Variants in UGT8 observed in about 807,000 individuals in gnomAD.
UGT8 encodes UDP glycosyltransferase 8.
Under a neutral mutation model 40.5 loss-of-function variants are expected in UGT8, and 12 were observed. That is an observed-to-expected ratio of 0.30 (90% CI 0.19 to 0.48). The LOEUF (loss-of-function observed/expected upper bound fraction) is 0.48. Among genes scored for constraint, UGT8 ranks in the 20% least tolerant of loss-of-function variants. The probability of loss-of-function intolerance (pLI) is 0.99; values close to 1 mark genes in which losing one functional copy is unlikely to be tolerated. For missense variants in UGT8, 513 were observed against 648.7 expected (o/e 0.79, Z 2.27); for synonymous variants, 224 against 240.4 (o/e 0.93, Z 0.63).
intron 1 of UGT8, among the ~76,000 whole-genome samples, chr4:114,615,741 A>G (rs1731369992): frequency 6.6e-6 from 1 of 152,226 alleles, no homozygotes; most frequent in African/African-American, 2.4e-5. Context: ...GAAATTGCAC[A>G]TAGCAATTCT....
At chr4:114,625,212 G>A (rs926890854) in intron 2 of UGT8, among the ~76,000 whole-genome samples, 2 of 152,020 alleles carry the variant, frequency 1.3e-5, no homozygotes, top group Non-Finnish European at 2.9e-5. Context: ...GATTGAAGAA[G>A]AAGTATATGA....
At chr4:114,639,937 A>G (rs942521833) in intron 2 of UGT8, among the ~76,000 whole-genome samples, 2 of 151,884 alleles carry the variant, frequency 1.3e-5, no homozygotes, top group Non-Finnish European at 2.9e-5. Context: ...GGGAACATCA[A>G]TTGTTGACTT....
intron 2 of UGT8, 185 bp downstream of exon 2, chr4:114,623,887 T>A (rs1421814369): frequency 7.8e-6 from 3 of 385,418 alleles, no homozygotes; most frequent in Non-Finnish European, 1.1e-5. Context: ...ACATTCCTGC[T>A]TTGAATGAGC....
At chr4:114,623,740 T>C in intron 2 of UGT8, 38 bp downstream of exon 2, 4 of 1,544,206 alleles carry the variant, frequency 2.6e-6, no homozygotes, top group Non-Finnish European at 3.5e-6. Flanking sequence ...TCTTTTTTAA[T>C]GTAAAAGTCA....
chr4:114,665,775 GTTAC>G lies in UGT8; in HGVS notation c.1042+26_1042+29del. 1 of 1,579,256 alleles carries G rather than the reference GTTAC, an allele frequency of 6.3e-7. No individual in the cohort carries two copies. The highest frequency in any genetic ancestry group is 8.6e-7 in the Non-Finnish European group (1 of 1,165,068). ...CTGCTTGGTAAGTCAATGATGTGTG[GTTAC>G]TTACTTGGCTGTTAGGTTTTAATTA... On this transcript the variant is annotated intron_variant, in intron 4 of 5. Transcript: ENST00000310836.
At chr4:114,654,348 T>A (rs1374485565) in intron 2 of UGT8, among the ~76,000 whole-genome samples, 1 of 152,044 alleles carries the variant, frequency 6.6e-6, no homozygotes, top group Non-Finnish European at 1.5e-5. Context: ...AGATTCCATT[T>A]ATGACTCTTG....
At chr4:114,620,484 G>A (rs1731717343) in intron 1 of UGT8, among the ~76,000 whole-genome samples, 1 of 152,152 alleles carries the variant, frequency 6.6e-6, no homozygotes, top group South Asian at 2.1e-4. Context: ...CATTTGGAAG[G>A]TTTTTCTAAG....
chr4:114,633,616 G>C (rs532290031), intron 2 of UGT8, among the ~76,000 whole-genome samples: 3 of 152,294 alleles, frequency 2.0e-5, no homozygotes, highest in East Asian at 1.9e-4. Flanking sequence ...TGAGGCTTTA[G>C]ATGGGCTTTA....
chr4:114,632,879 G>A (rs1461808402), intron 2 of UGT8, among the ~76,000 whole-genome samples: 1 of 152,088 alleles, frequency 6.6e-6, no homozygotes, highest in African/African-American at 2.4e-5. Flanking sequence ...TTGCAAAAAT[G>A]GAATAAAACT....
chr4:114,645,946 G>C (rs1733542935), intron 2 of UGT8, among the ~76,000 whole-genome samples: 1 of 152,076 alleles, frequency 6.6e-6, no homozygotes, highest in African/African-American at 2.4e-5. Context: ...AAACAATAAT[G>C]TACATTTTTA....
chr4:114,657,225 G>A (rs1734245195), intron 2 of UGT8, among the ~76,000 whole-genome samples: 1 of 151,902 alleles, frequency 6.6e-6, no homozygotes, highest in Admixed American at 6.6e-5. Context: ...TTCCTTGAAG[G>A]TCTTAAGAAC....
chr4:114,634,415 G>A lies in UGT8; in HGVS notation c.822+10713G>A, dbSNP rs527729092. On this transcript the variant is annotated intron_variant, in intron 2 of 5. Coordinates refer to ENST00000310836, the MANE Select transcript of UGT8 (RefSeq NM_001128174.3). The stretch of plus-strand genomic sequence containing the variant: ...GTAAAGCCATGGAAATAAATGCAGT[G>A]GCTTATCGACTCTCCAAGGAAGAGG... Among the ~76,000 whole-genome samples the A allele has an allele frequency of 2.6e-5, 4 of 152,232 alleles. No homozygotes were observed. The East Asian group carries it at 5.8e-4, about 22-fold the overall frequency.
intron 5 of UGT8, 143 bp downstream of exon 5, chr4:114,668,447 T>C (rs185312169): frequency 1.3e-6 from 1 of 755,298 alleles, no homozygotes; most frequent in African/African-American, 1.8e-5. Context: ...TTTGTGCATG[T>C]TTTCTATTAT....
At chr4:114,650,927 C>A (rs987771026) in intron 2 of UGT8, among the ~76,000 whole-genome samples, 1 of 151,554 alleles carries the variant, frequency 6.6e-6, no homozygotes, top group Non-Finnish European at 1.5e-5. Context: ...ATGTCATTTC[C>A]GTTGCCCAAA....
intron 2 of UGT8, among the ~76,000 whole-genome samples, chr4:114,659,254 A>G (rs529746170): frequency 6.6e-6 from 1 of 152,352 alleles, no homozygotes; most frequent in South Asian, 2.1e-4. Context: ...AAGACTTCAA[A>G]CAGATGACTT....
intron 2 of UGT8, among the ~76,000 whole-genome samples, chr4:114,625,631 G>A (rs1732165692): frequency 6.6e-6 from 1 of 151,546 alleles, no homozygotes; most frequent in African/African-American, 2.4e-5. Context: ...ATAAGTGTAG[G>A]AAAATATTTT....
rs142216586 is a variant in UGT8, at chr4:114,651,574, A to G, written c.823-12421A>G. On this transcript the variant is annotated intron_variant, in intron 2 of 5. Transcript: ENST00000310836. ...TTTCCTCCTGCCCTCTCTGTTACAA[A>G]CATATCTTAGATTCATAAGCTCTTT... is the stretch of plus-strand genomic sequence containing the variant. Among the ~76,000 whole-genome samples, 199 of 152,184 alleles carry G rather than the reference A, an allele frequency of 1.3e-3. 1 individual carries two copies. The East Asian group carries it at 0.036, about 28-fold the overall frequency.
At chr4:114,663,167 C>T (rs1300040308) in intron 2 of UGT8, among the ~76,000 whole-genome samples, 2 of 152,060 alleles carry the variant, frequency 1.3e-5, no homozygotes, top group African/African-American at 2.4e-5. Flanking sequence ...CTACAAATCA[C>T]GTTATGCTAC....
chr4:114,661,788 A>G (rs1734556216), intron 2 of UGT8, among the ~76,000 whole-genome samples: 2 of 152,212 alleles, frequency 1.3e-5, no homozygotes, highest in South Asian at 4.1e-4. Flanking sequence ...GCCAAGTGGA[A>G]TAATATCTTC....
Sources: gnomAD v4.1 joint callset for allele counts (sites outside exome capture counted in the v4.1 genomes callset) on GRCh38, gnomAD v4.1.1 for gene constraint, MANE v1.5 for transcripts, NCBI Gene and HGNC (gene_info 2026-07-23, HGNC 2026-07-21) for gene names.